PTPN3: variants seen among roughly 807,000 people sequenced by gnomAD.
PTPN3 encodes the protein tyrosine-protein phosphatase non-receptor type 3.
PTPN3 carries 96 observed loss-of-function variants against 132.7 expected under a neutral mutation model. That is an observed-to-expected ratio of 0.72 (90% CI 0.61 to 0.86). The LOEUF (loss-of-function observed/expected upper bound fraction) is 0.86. PTPN3 is among the 40% of genes least tolerant of loss of function. The pLI is 0.00. For missense variants in PTPN3, 1,125 were observed against 1,159.6 expected (o/e 0.97, Z 0.43); for synonymous variants, 398 against 429.0 (o/e 0.93, Z 0.89).
At chr9:109,442,155 C>T (rs545437275) in intron 7 of PTPN3, among the ~76,000 whole-genome samples, 2 of 152,090 alleles carry the variant, frequency 1.3e-5, no homozygotes, top group African/African-American at 4.8e-5. Flanking sequence ...TCAAATAATC[C>T]TCTCACCTCA....
intron 1 of PTPN3, among the ~76,000 whole-genome samples, chr9:109,473,105 G>T (rs1297649967): frequency 6.6e-6 from 1 of 152,164 alleles, no homozygotes; most frequent in Admixed American, 6.5e-5. Context: ...CGAGTCTTCA[G>T]ATTTTTCTCT....
rs1050986806 is a variant in PTPN3 at position 109,450,922 on chromosome 9, G to C, written c.369-2067C>G. ...CCTCTATACATCTTCTTTGACTCTT[G>C]AGAGCTAAAATTTCCTTCAGAGGGA... On this transcript the variant is annotated intron_variant, in intron 5 of 25. Coordinates refer to ENST00000374541, the MANE Select transcript of PTPN3 (RefSeq NM_002829.4). 1.3e-5 allele frequency: 13 copies of C among 985,124 alleles called. No individual in the cohort carries two copies. The African/African-American group carries it at 2.3e-4, about 17-fold the overall frequency. The allele number at this position is 985,124 out of a possible 1,614,324, so 61.0% of individuals were successfully genotyped here.
intron 1 of PTPN3, among the ~76,000 whole-genome samples, chr9:109,470,104 T>C (rs1846303376): frequency 6.6e-6 from 1 of 152,132 alleles, no homozygotes; most frequent in South Asian, 2.1e-4. Context: ...GAGAAGGGCA[T>C]TTCTAGCATG....
chr9:109,430,585 A>AGAACTT (rs1843589112), intron 10 of PTPN3, among the ~76,000 whole-genome samples: 1 of 152,216 alleles, frequency 6.6e-6, no homozygotes, highest in Non-Finnish European at 1.5e-5. Context: ...ACAAAGTTCT[A>AGAACTT]TGCCAGGCCC....
Position 109,488,189 on chromosome 9 carries a change from C to A in PTPN3, c.-18+10030G>T, listed in dbSNP as rs146369856. Among the ~76,000 whole-genome samples, 701 of 150,884 alleles carry A rather than the reference C, an allele frequency of 4.6e-3. 3 individuals are homozygous for A. Among genetic ancestry groups the A allele is most frequent in the African/African-American group, 0.016 (669 of 41,020 alleles). ...TGGCTCACTGCAACCTCTGCCCCCA[C>A]ACCCCAGGTTCAAGTGATTCTCCTG... On this transcript the variant is annotated intron_variant, in intron 1 of 25. Coordinates refer to ENST00000374541, the MANE Select transcript of PTPN3 (RefSeq NM_002829.4).
At chr9:109,450,110 A>G in intron 5 of PTPN3, 4 of 984,486 alleles carry the variant, frequency 4.1e-6, no homozygotes, top group Non-Finnish European at 4.8e-6. Context: ...AATTTCTTAT[A>G]TGTTTAATGG....
At chr9:109,413,367 G>C (rs146715831) in intron 14 of PTPN3, among the ~76,000 whole-genome samples, 6 of 152,156 alleles carry the variant, frequency 3.9e-5, no homozygotes, top group Admixed American at 6.5e-5. Context: ...TGTAGGGCGC[G>C]GTGATATTCT....
chr9:109,395,010 G>A (rs1222208102), intron 19 of PTPN3, among the ~76,000 whole-genome samples: 1 of 151,974 alleles, frequency 6.6e-6, no homozygotes, highest in Non-Finnish European at 1.5e-5. Flanking sequence ...CGTGGCAGCA[G>A]GCGCCTGTAG....
At position 109,380,263 on chromosome 9, in the gene PTPN3, A is replaced by ATCTG. The variant is rs1838948571; in HGVS notation, c.2665-631_2665-630insCAGA. The stretch of plus-strand genomic sequence containing the variant: ...TATCTATCTATCTATCTATCTATCT[A>ATCTG]TCTAGTTTTCAAGACAGAGTCCTGT... On this transcript the variant is annotated intron_variant, in intron 25 of 25. Coordinates refer to ENST00000374541, the MANE Select transcript of PTPN3 (RefSeq NM_002829.4). 8.6e-5 allele frequency among the ~76,000 whole-genome samples: 13 copies of ATCTG among 151,032 alleles called. No individual in the cohort carries two copies. In the South Asian group the frequency reaches 2.7e-3, roughly 32 times the overall value.
At chr9:109,425,784 G>A (rs1315903066) in intron 12 of PTPN3, among the ~76,000 whole-genome samples, 1 of 151,540 alleles carries the variant, frequency 6.6e-6, no homozygotes, top group Non-Finnish European at 1.5e-5. Flanking sequence ...AGGCCAAGGT[G>A]GGTGGATCAC....
At chr9:109,454,596 A>T (rs1845465569) in intron 4 of PTPN3, 22 bp from the exon 5 acceptor site, 1 of 1,590,174 alleles carries the variant, frequency 6.3e-7, no homozygotes, top group East Asian at 2.2e-5. Flanking sequence ...TTCAAAAACA[A>T]ATTAAATTTT....
At chr9:109,468,581 T>C (rs1442971694) in intron 1 of PTPN3, among the ~76,000 whole-genome samples, 1 of 152,102 alleles carries the variant, frequency 6.6e-6, no homozygotes, top group Non-Finnish European at 1.5e-5. Context: ...TTAGCCAGGA[T>C]GGTCTCGATC....
At chr9:109,484,599 A>G (rs1009028688) in intron 1 of PTPN3, among the ~76,000 whole-genome samples, 1 of 152,200 alleles carries the variant, frequency 6.6e-6, no homozygotes, top group Non-Finnish European at 1.5e-5. Flanking sequence ...CCAGATCCTG[A>G]AAAACTCTTC....
At chr9:109,533,815 C>G in the PTPN3 span, 1 of 930,280 alleles carries the variant, frequency 1.1e-6, no homozygotes, top group African/African-American at 1.6e-5. Flanking sequence ...GCTCCCATCC[C>G]TCGTTCTTTC....
intron 12 of PTPN3, among the ~76,000 whole-genome samples, chr9:109,425,492 C>T (rs1214274825): frequency 1.3e-5 from 2 of 151,956 alleles, no homozygotes; most frequent in Non-Finnish European, 2.9e-5. Flanking sequence ...AGGCAGATCA[C>T]CTGAGGTCAG....
chr9:109,463,272 T>TAA (rs200343380), intron 2 of PTPN3, 25 bp downstream of exon 2: 220 of 1,122,850 alleles, frequency 2.0e-4, no homozygotes, highest in South Asian at 6.8e-4. Flanking sequence ...TCAGGAAAAG[T>TAA]AAAAAAAAAA....
Position 109,422,714 on chromosome 9 carries a change from A to G in PTPN3, c.1136+4T>C, listed in dbSNP as rs775977713. 1.3e-6 allele frequency: 2 copies of G among 1,593,906 alleles called. No homozygotes were observed. The highest frequency in any genetic ancestry group is 1.7e-6 in the Non-Finnish European group (2 of 1,171,900). Reference sequence around the variant, plus strand: ...GTACAAAAAAAAAAAAAAGGAGGACATACCAGTTGGGAGTAATGGGAGGGG... The same window carrying G: ...GTACAAAAAAAAAAAAAAGGAGGACGTACCAGTTGGGAGTAATGGGAGGGG... On this transcript the variant is annotated splice_donor_region_variant and intron_variant, in intron 13 of 25. Coordinates refer to ENST00000374541, the MANE Select transcript of PTPN3 (RefSeq NM_002829.4).
At chr9:109,513,052 A>T in the PTPN3 span, among the ~76,000 whole-genome samples, 5 of 152,246 alleles carry the variant, frequency 3.3e-5, no homozygotes, top group Admixed American at 6.5e-5. Context: ...TCTGTTGCCC[A>T]GACTGGGGTG....
At chr9:109,449,336 C>A in intron 5 of PTPN3, 1 of 987,186 alleles carries the variant, frequency 1.0e-6, no homozygotes, top group Non-Finnish European at 1.2e-6. Flanking sequence ...TGTGAAGACA[C>A]CTTCTTGGCT....
Sources: allele counts gnomAD v4.1 joint callset (sites outside exome capture counted in the v4.1 genomes callset), GRCh38; gene constraint gnomAD v4.1.1; transcripts MANE v1.5; gene names NCBI Gene and HGNC (gene_info 2026-07-23, HGNC 2026-07-21).